Variants in AP2A2 observed in about 807,000 individuals in gnomAD.
The protein encoded by AP2A2 is AP-2 complex subunit alpha-2.
In AP2A2, 32 loss-of-function variants were observed where a neutral mutation model predicts 104.2. That is an observed-to-expected ratio of 0.31 (90% confidence interval 0.23 to 0.41). The LOEUF (loss-of-function observed/expected upper bound fraction) is 0.41. Ranked by LOEUF, AP2A2 falls within the 10% of genes least tolerant of loss-of-function variation. The probability of loss-of-function intolerance (pLI) is 1.00; values close to 1 mark genes in which losing one functional copy is unlikely to be tolerated. For missense variants in AP2A2, 912 were observed against 1,261.0 expected, an observed-to-expected ratio of 0.72 and a Z score of 4.19; for synonymous variants, 539 against 533.3, an observed-to-expected ratio of 1.01 and a Z score of -0.15.
At chr11:931,377 A>G (rs978126863) in intron 1 of AP2A2, among the ~76,000 whole-genome samples, 3 of 152,234 alleles carry the variant, frequency 2.0e-5, no homozygotes, top group Non-Finnish European at 4.4e-5. Flanking sequence ...GTCTTTATGC[A>G]TTGCTGTTGA....
intron 16 of AP2A2, among the ~76,000 whole-genome samples, chr11:1,006,269 G>A (rs748232151): frequency 6.6e-6 from 1 of 152,256 alleles, no homozygotes; most frequent in Non-Finnish European, 1.5e-5. Flanking sequence ...GTGTGGGTGC[G>A]CAGGAGGGGC....
At chr11:937,512 G>A (rs553621378) in intron 1 of AP2A2, among the ~76,000 whole-genome samples, 1 of 152,318 alleles carries the variant, frequency 6.6e-6, no homozygotes, top group South Asian at 2.1e-4. Flanking sequence ...GGAGGCTGAG[G>A]TGGGAGGATC....
At position 968,174 on chromosome 11, in the gene AP2A2, C is replaced by T. The variant is rs143978206; in HGVS notation, c.137-1995C>T. 3.4e-3 allele frequency among the ~76,000 whole-genome samples: 525 copies of T among 152,270 alleles called. 1 individual carries two copies. The highest frequency in any genetic ancestry group is 0.012 in the African/African-American group (480 of 41,552). On this transcript the variant is annotated intron_variant, in intron 2 of 21. Coordinates refer to ENST00000448903, the MANE Select transcript of AP2A2 (RefSeq NM_012305.4). The surrounding 1 kb of genome is among the most constrained non-coding windows in gnomAD (Gnocchi z 4.2). ...GGGCCGAGCACTGTGGCTTTCTCCT[C>T]GCGCTGGCGACTTCCGCTGCCCCTC...
Position 985,657 on chromosome 11 carries a change from C to T in AP2A2, c.962+75C>T, listed in dbSNP as rs562827195. On this transcript the variant is annotated intron_variant, in intron 8 of 21. Transcript: ENST00000448903. ...TCCTTCTCGTTGGCACGAGACTGGG[C>T]GGATCATGTCTGGTTTGTCCACTCC... 3.4e-4 allele frequency: 533 copies of T among 1,583,570 alleles called. 1 individual carries two copies. In the African/African-American group the frequency reaches 6.4e-3, roughly 19 times the overall value.
chr11:960,716 C>G (rs1854405580), intron 2 of AP2A2, among the ~76,000 whole-genome samples: 1 of 151,368 alleles, frequency 6.6e-6, no homozygotes, highest in African/African-American at 2.4e-5. Context: ...TGGGGTTTCT[C>G]CATGTTGGTC....
chr11:985,057 C>T (rs541927404), intron 7 of AP2A2, among the ~76,000 whole-genome samples: 1 of 152,332 alleles, frequency 6.6e-6, no homozygotes, highest in Admixed American at 6.5e-5. Context: ...GACCTCAGCT[C>T]ACTGCAACCT....
At chr11:1,010,266 G>C in intron 21 of AP2A2, 1 of 547,394 alleles carries the variant, frequency 1.8e-6, no homozygotes, top group Non-Finnish European at 3.2e-6. Context: ...TGTCGCCCAG[G>C]GCCTGTGTGT....
rs748836668 is a variant in AP2A2 at position 972,215 on chromosome 11, G to C, written c.433G>C (p.Glu145Gln). ...CAGCGTGGGCAGCCGGGAGATGGCC[G>C]AGGCCTTCGCCGGGGAGATCCCTAA... Reference protein sequence around the residue: ...IASVGSREMAEAFAGEIPKVL... With the variant: ...IASVGSREMAQAFAGEIPKVL... The change falls in exon 4 of 22, where the codon GAG (glutamate) becomes CAG (glutamine). Residue 145 changes from glutamate to glutamine, a missense_variant. By Grantham distance (29) the Glu-to-Gln change is conservative (BLOSUM62 2). Around this residue, in one of 7 missense-constraint regions of AP2A2, gnomAD observed 350 missense variants for 487.0 expected, o/e 0.72. Coordinates refer to ENST00000448903, the MANE Select transcript of AP2A2 (RefSeq NM_012305.4). 1.2e-6 allele frequency: 2 copies of C among 1,609,676 alleles called. No individual in the cohort carries two copies. The highest frequency in any genetic ancestry group is 2.2e-5 in the South Asian group (2 of 90,730).
chr11:966,259 G>A (rs1238514179), intron 2 of AP2A2, among the ~76,000 whole-genome samples: 2 of 152,190 alleles, frequency 1.3e-5, no homozygotes, highest in Non-Finnish European at 2.9e-5. Flanking sequence ...TTGGGAGGCC[G>A]AGGCAGGCAG....
chr11:949,016 G>A (rs1853946039), intron 1 of AP2A2, among the ~76,000 whole-genome samples: 1 of 152,126 alleles, frequency 6.6e-6, no homozygotes, highest in African/African-American at 2.4e-5. Context: ...CTGGCCGGGT[G>A]CAGTGGCTCA....
At chr11:988,439 T>A in intron 9 of AP2A2, 113 bp from the exon 10 acceptor site, 1 of 1,354,206 alleles carries the variant, frequency 7.4e-7, no homozygotes, top group South Asian at 1.3e-5. Flanking sequence ...TGGATGTGCA[T>A]GTGAGGGAAA....
At chr11:979,919 T>C (rs1855184591) in intron 5 of AP2A2, among the ~76,000 whole-genome samples, 1 of 152,236 alleles carries the variant, frequency 6.6e-6, no homozygotes. Context: ...ATAGGTATCA[T>C]TTATTTTATA....
chr11:976,636 C>G (rs978124612), intron 4 of AP2A2, among the ~76,000 whole-genome samples: 1 of 152,014 alleles, frequency 6.6e-6, no homozygotes, highest in African/African-American at 2.4e-5. Context: ...GCCCTTTGCT[C>G]CAGGGGCAAG....
At chr11:975,271 G>A (rs534099222) in intron 4 of AP2A2, among the ~76,000 whole-genome samples, 61 of 152,082 alleles carry the variant, frequency 4.0e-4, no homozygotes, top group African/African-American at 1.4e-3. Context: ...TAGGGTCCTC[G>A]GTATCCCTCG....
intron 21 of AP2A2, 194 bp downstream of exon 21, chr11:1,010,011 A>G (rs1346097886): frequency 8.2e-6 from 5 of 606,790 alleles, no homozygotes; most frequent in Non-Finnish European, 1.4e-5. Flanking sequence ...TCCCTAGTGC[A>G]GTTCAGTCAG....
chr11:940,018 C>T (rs1057049614), intron 1 of AP2A2, among the ~76,000 whole-genome samples: 18 of 143,846 alleles, frequency 1.3e-4, no homozygotes, highest in Non-Finnish European at 2.2e-4. Context: ...TGCAGTGGCG[C>T]GATCTCGGCT....
At chr11:937,765 G>C (rs1853507481) in intron 1 of AP2A2, among the ~76,000 whole-genome samples, 1 of 152,258 alleles carries the variant, frequency 6.6e-6, no homozygotes, top group African/African-American at 2.4e-5. Context: ...TTTCTACTGA[G>C]TGCGTGTTGC....
At chr11:942,416 G>T (rs551855765) in intron 1 of AP2A2, 1 of 152,306 alleles carries the variant, frequency 6.6e-6, no homozygotes, top group South Asian at 2.1e-4. Context: ...GCAAACCTAC[G>T]TATGGGATTA....
chr11:947,751 G>A (rs959545309), intron 1 of AP2A2, among the ~76,000 whole-genome samples: 2 of 152,124 alleles, frequency 1.3e-5, no homozygotes, highest in African/African-American at 4.8e-5. Context: ...GTTTCTTAAA[G>A]CCAGGAGTTC....
Sources: allele counts gnomAD v4.1 joint callset (sites outside exome capture counted in the v4.1 genomes callset), GRCh38; gene constraint gnomAD v4.1.1; regional missense constraint gnomAD v4.1.1; non-coding constraint Gnocchi (gnomAD v3.1); transcripts MANE v1.5; gene names NCBI Gene and HGNC (gene_info 2026-07-23, HGNC 2026-07-21).